Variants in FGF13 observed in about 807,000 individuals in gnomAD.
FGF13 encodes fibroblast growth factor 13, also known as fibroblast growth factor homologous factor 2.
FGF13 carries 2 observed loss-of-function variants against 19.5 expected under a neutral mutation model. The ratio of observed to expected loss-of-function variants is 0.10; its 90% confidence interval spans 0.04 to 0.32. The LOEUF is 0.32. Ranked by LOEUF, FGF13 falls within the 10% of genes least tolerant of loss-of-function variation. FGF13 has a pLI of 1.00. For missense variants in FGF13, 113 were observed against 192.7 expected (o/e 0.59, Z 2.45); for synonymous variants, 72 against 76.9 (o/e 0.94, Z 0.33).
chrX:138,771,196 G>T (rs2090543071), intron 3 of FGF13, among the ~76,000 whole-genome samples: 1 of 111,714 alleles, frequency 9.0e-6, no homozygotes, highest in Admixed American at 9.5e-5. Context: ...TATTATGTAA[G>T]TTGGTTGTAC....
At chrX:139,028,688 A>AGTGTGTGT (rs781223523) in intron 1 of FGF13, among the ~76,000 whole-genome samples, 2,211 of 80,608 alleles carry the variant, frequency 0.027, 54 homozygotes, top group Admixed American at 0.076. Flanking sequence ...TGTGAAAGAC[A>AGTGTGTGT]GTGTGTGTGT....
chrX:138,828,787 G>A (rs988267140), intron 3 of FGF13, among the ~76,000 whole-genome samples: 13 of 108,050 alleles, frequency 1.2e-4, no homozygotes, highest in African/African-American at 3.7e-4. Context: ...CCCCTCCCCC[G>A]CCATCTGCTT....
intron 1 of FGF13, among the ~76,000 whole-genome samples, chrX:138,922,170 G>T (rs1012868219): frequency 3.8e-5 from 4 of 105,255 alleles, no homozygotes; most frequent in Non-Finnish European, 5.9e-5. Context: ...CAAAAAAAAT[G>T]AAACTAAATT....
At chrX:138,779,965 C>T (rs1212518751) in intron 3 of FGF13, among the ~76,000 whole-genome samples, 1 of 103,841 alleles carries the variant, frequency 9.6e-6, no homozygotes, top group East Asian at 3.1e-4. Flanking sequence ...CAGCGGATCT[C>T]TCGGCAGAAA....
downstream of FGF13, among the ~76,000 whole-genome samples, chrX:138,856,233 G>A (rs759688233): frequency 2.7e-5 from 3 of 111,392 alleles, no homozygotes; most frequent in Non-Finnish European, 5.6e-5. Context: ...GACACCAAAA[G>A]TATGGGTAGA....
chrX:138,856,842 C>A (rs188319796), downstream of FGF13, among the ~76,000 whole-genome samples: 1 of 111,932 alleles, frequency 8.9e-6, no homozygotes, highest in South Asian at 3.7e-4. Flanking sequence ...AGATGAAATA[C>A]TTTGAAGATA....
At chrX:139,115,397 G>A (rs938331272) in intron 1 of FGF13, among the ~76,000 whole-genome samples, 3 of 111,938 alleles carry the variant, frequency 2.7e-5, no homozygotes, top group South Asian at 3.7e-4. Context: ...AGGCTTCCAA[G>A]GATTGCTCTT....
At chrX:138,835,985 A>G (rs185260508) in intron 3 of FGF13, among the ~76,000 whole-genome samples, 15 of 111,206 alleles carry the variant, frequency 1.3e-4, no homozygotes, top group East Asian at 2.8e-4. Flanking sequence ...TAAAAAAAAA[A>G]AGAGAGAGAA....
chrX:138,646,515 G>A (rs1448918683), intron 3 of FGF13, among the ~76,000 whole-genome samples: 1 of 111,478 alleles, frequency 9.0e-6, no homozygotes, highest in Non-Finnish European at 1.9e-5. Context: ...CTATCCCCTA[G>A]GCCGCTTCTT....
intron 3 of FGF13, among the ~76,000 whole-genome samples, chrX:138,769,801 G>C (rs938728467): frequency 8.9e-6 from 1 of 112,281 alleles, no homozygotes; most frequent in Non-Finnish European, 1.9e-5. Context: ...CCTTGTGTCC[G>C]GCCTCTCATG....
chrX:138,628,796 T>A lies in FGF13; in HGVS notation c.*4054A>T, dbSNP rs891373977. The A allele has an allele frequency of 8.9e-6, 1 of 111,788 alleles. No individual in the cohort carries two copies. The highest frequency in any genetic ancestry group is 1.9e-5 in the Non-Finnish European group (1 of 53,199). The allele number at this position is 111,788 out of a possible 1,213,427, so 9.2% of individuals were successfully genotyped here. On this transcript the variant is annotated 3_prime_UTR_variant, in exon 5 of 5. Coordinates refer to ENST00000315930, the MANE Select transcript of FGF13 (RefSeq NM_004114.5). ...GACTGGCTTAAAACTGGAACAAATG[T>A]ACTGGTTAGGGAGGGGAGGAGTGCC...
intron 1 of FGF13, among the ~76,000 whole-genome samples, chrX:138,951,231 T>C (rs1176550707): frequency 9.0e-6 from 1 of 111,671 alleles, no homozygotes; most frequent in African/African-American, 3.3e-5. Flanking sequence ...CTTACTCTGA[T>C]AACAATTATC....
Position 138,943,780 on chromosome X carries a change from C to T in FGF13, c.-112-79130G>A, listed in dbSNP as rs759197250. 1.3e-4 allele frequency among the ~76,000 whole-genome samples: 15 copies of T among 111,394 alleles called. No individual in the cohort carries two copies. The South Asian group carries it at 5.4e-3, about 40-fold the overall frequency. ...TGAATTTCACTGCTGAGAATAATTC[C>T]ATGCTATTTTCACCTCTCGGAGACA... On this transcript the variant is annotated intron_variant, in intron 1 of 2. Transcript: ENST00000421460.
intron 1 of FGF13, among the ~76,000 whole-genome samples, chrX:138,982,554 A>C (rs917199474): frequency 8.9e-6 from 1 of 112,335 alleles, no homozygotes; most frequent in Non-Finnish European, 1.9e-5. Context: ...TTCTGCATGC[A>C]GACTCAGGGA....
At chrX:138,770,245 C>T (rs980154133) in intron 3 of FGF13, among the ~76,000 whole-genome samples, 4 of 111,353 alleles carry the variant, frequency 3.6e-5, no homozygotes, top group Admixed American at 9.6e-5. Context: ...AATGTTACCC[C>T]ACAGGGCATT....
chrX:138,793,335 C>A (rs2090755746), intron 3 of FGF13, among the ~76,000 whole-genome samples: 1 of 111,560 alleles, frequency 9.0e-6, no homozygotes, highest in Non-Finnish European at 1.9e-5. Flanking sequence ...GTTTAAGGTA[C>A]CTTCATTTCT....
intron 1 of FGF13, among the ~76,000 whole-genome samples, chrX:138,950,521 G>C (rs932454477): frequency 2.7e-5 from 3 of 111,722 alleles, no homozygotes; most frequent in African/African-American, 9.7e-5. Flanking sequence ...TTGTATTCAA[G>C]TTCTATGTTT....
At chrX:139,060,797 C>T (rs2092334031) in intron 1 of FGF13, among the ~76,000 whole-genome samples, 2 of 111,283 alleles carry the variant, frequency 1.8e-5, no homozygotes, top group Admixed American at 9.5e-5. Context: ...AAGACAGACA[C>T]ACACATGCAC....
At chrX:138,779,789 G>A (rs1339903736) in intron 3 of FGF13, among the ~76,000 whole-genome samples, 2 of 105,564 alleles carry the variant, frequency 1.9e-5, no homozygotes, top group African/African-American at 6.9e-5. Flanking sequence ...GCAGGCCAAC[G>A]TTCAGATTCA....
Sources: gnomAD v4.1 joint callset for allele counts (sites outside exome capture counted in the v4.1 genomes callset) on GRCh38, gnomAD v4.1.1 for gene constraint, MANE v1.5 for transcripts, NCBI Gene and HGNC (gene_info 2026-07-23, HGNC 2026-07-21) for gene names.